Variants in RBFOX1 observed in about 807,000 individuals in gnomAD.
RBFOX1 encodes the protein RNA binding protein fox-1 homolog 1.
In RBFOX1, 8 loss-of-function variants were observed where a neutral mutation model predicts 57.7. The observed-to-expected ratio is 0.14, with a 90% confidence interval of 0.08 to 0.25. The LOEUF (loss-of-function observed/expected upper bound fraction) is 0.25. RBFOX1 is among the 10% of genes least tolerant of loss of function. RBFOX1 has a pLI of 1.00. For missense variants in RBFOX1, 611 were observed against 548.5 expected (o/e 1.11, Z -1.14); for synonymous variants, 326 against 222.4 (o/e 1.47, Z -4.15).
intron 3 of RBFOX1, among the ~76,000 whole-genome samples, chr16:5,804,317 A>G (rs1039085849): frequency 1.3e-5 from 2 of 152,224 alleles, no homozygotes; most frequent in African/African-American, 2.4e-5. Context: ...GAATGGATGG[A>G]TGGATGAACA....
intron 4 of RBFOX1, among the ~76,000 whole-genome samples, chr16:7,463,635 A>G (rs1355990486): frequency 6.6e-6 from 1 of 152,188 alleles, no homozygotes; most frequent in Non-Finnish European, 1.5e-5. Flanking sequence ...TAGGGGTGAG[A>G]GGACTTAAAC....
chr16:6,094,732 A>G (rs780566274), intron 1 of RBFOX1, among the ~76,000 whole-genome samples: 2 of 152,202 alleles, frequency 1.3e-5, no homozygotes, highest in Non-Finnish European at 1.5e-5. Context: ...TGACAGTATC[A>G]ACCTCATAGT....
rs373975575 is a variant in RBFOX1, at chr16:5,840,512, C to T, written c.319-26791C>T. On this transcript the variant is annotated intron_variant, in intron 3 of 19. Transcript: ENST00000641259. ...CTACACCTCTCCTGTGCCTTCAGAA[C>T]ACCAGGAACACAGCTCCCCCACTGC... Among the ~76,000 whole-genome samples, 7 of 152,270 alleles carry T rather than the reference C, an allele frequency of 4.6e-5. No homozygotes were observed. In the East Asian group the frequency reaches 7.7e-4, roughly 17 times the overall value.
Position 7,232,446 on chromosome 16 carries a change from A to G in RBFOX1, c.27+180348A>G, listed in dbSNP as rs186468726. On this transcript the variant is annotated intron_variant, in intron 4 of 15. Transcript: ENST00000550418. ...TTTATAGGGGACCAGGTTCCTGGCAACTATTAGGTGCTCAATAAATAGCCT... is the reference window on the plus strand; with the variant it reads ...TTTATAGGGGACCAGGTTCCTGGCAGCTATTAGGTGCTCAATAAATAGCCT... 3.5e-3 allele frequency among the ~76,000 whole-genome samples: 527 copies of G among 152,318 alleles called. 1 individual carries two copies. Among genetic ancestry groups the G allele is most frequent in the Admixed American group, 6.0e-3 (92 of 15,296 alleles).
At chr16:5,491,607 A>T (rs1819419060) in intron 2 of RBFOX1, among the ~76,000 whole-genome samples, 2 of 152,216 alleles carry the variant, frequency 1.3e-5, no homozygotes, top group Non-Finnish European at 2.9e-5. Flanking sequence ...GGTAATGCTG[A>T]TGAATCCTCA....
At chr16:5,922,215 C>T (rs1046076513) in intron 4 of RBFOX1, among the ~76,000 whole-genome samples, 18 of 152,156 alleles carry the variant, frequency 1.2e-4, no homozygotes, top group African/African-American at 4.1e-4. Flanking sequence ...AGAGCGAGAA[C>T]TCACTCATCA....
chr16:6,902,525 C>T (rs1350377053), intron 3 of RBFOX1, among the ~76,000 whole-genome samples: 1 of 152,108 alleles, frequency 6.6e-6, no homozygotes, highest in Non-Finnish European at 1.5e-5. Flanking sequence ...AGTTCAAGAC[C>T]AGCCTAACCA....
intron 3 of RBFOX1, among the ~76,000 whole-genome samples, chr16:5,707,418 G>T (rs34851363): frequency 4.2e-4 from 64 of 152,294 alleles, no homozygotes; most frequent in African/African-American, 1.4e-3. Context: ...AGGAATGGGG[G>T]ACATGAGTGC....
rs76380548 is a variant in RBFOX1 at position 6,922,728 on chromosome 16, C to T, written c.-15-129329C>T. 2.9e-3 allele frequency among the ~76,000 whole-genome samples: 439 copies of T among 152,212 alleles called. 4 individuals are homozygous for T. The highest frequency in any genetic ancestry group is 9.7e-3 in the African/African-American group (401 of 41,536). ...ACCACTCCAAAAACTGGAAAGCCTT[C>T]TGAGATTTTAAACATTTTCCAGTAA... On this transcript the variant is annotated intron_variant, in intron 3 of 15. Transcript: ENST00000550418.
At chr16:5,248,080 T>C (rs2062348460) in intron 1 of RBFOX1, among the ~76,000 whole-genome samples, 1 of 152,160 alleles carries the variant, frequency 6.6e-6, no homozygotes, top group Non-Finnish European at 1.5e-5. Context: ...GGGCTTGGGA[T>C]CTCACCTCGC....
At chr16:5,784,819 C>G (rs11860120) in intron 3 of RBFOX1, among the ~76,000 whole-genome samples, 4 of 151,804 alleles carry the variant, frequency 2.6e-5, no homozygotes, top group African/African-American at 9.7e-5. Flanking sequence ...CGCATAGACA[C>G]CATCTATGAA....
At chr16:5,500,221 C>T (rs1597316498) in intron 2 of RBFOX1, among the ~76,000 whole-genome samples, 1 of 147,760 alleles carries the variant, frequency 6.8e-6, no homozygotes, top group South Asian at 2.2e-4. Context: ...CATTCCGTTC[C>T]GTTCCGTTCC....
chr16:6,341,936 C>T (rs776716249), intron 2 of RBFOX1, among the ~76,000 whole-genome samples: 33 of 152,154 alleles, frequency 2.2e-4, no homozygotes, highest in East Asian at 3.9e-4. Flanking sequence ...TAATTTCTTG[C>T]GTAAGGTCAA....
At chr16:5,552,017 G>A (rs1420763099) in intron 2 of RBFOX1, among the ~76,000 whole-genome samples, 1 of 152,122 alleles carries the variant, frequency 6.6e-6, no homozygotes, top group Non-Finnish European at 1.5e-5. Flanking sequence ...CTGTGGATGA[G>A]TCATTCAACT....
chr16:7,099,124 T>C (rs936434056), intron 4 of RBFOX1, among the ~76,000 whole-genome samples: 8 of 152,130 alleles, frequency 5.3e-5, no homozygotes, highest in South Asian at 2.1e-4. Context: ...GAATCAGAGA[T>C]GGCAGATAGT....
At chr16:7,700,142 A>G (rs972432871) in intron 14 of RBFOX1, among the ~76,000 whole-genome samples, 7 of 152,126 alleles carry the variant, frequency 4.6e-5, no homozygotes, top group Non-Finnish European at 1.5e-5. Flanking sequence ...ACTTTGGATC[A>G]TCAATCCAAT....
At chr16:5,912,925 G>A (rs2058632879) in intron 4 of RBFOX1, among the ~76,000 whole-genome samples, 1 of 152,174 alleles carries the variant, frequency 6.6e-6, no homozygotes. Context: ...GAACAGAGGG[G>A]AGGCAGGACA....
chr16:7,053,270 C>T (rs762199630), intron 4 of RBFOX1, among the ~76,000 whole-genome samples: 2 of 152,122 alleles, frequency 1.3e-5, no homozygotes, highest in Non-Finnish European at 2.9e-5. Flanking sequence ...TTGTTTTATG[C>T]AGTATCTCAG....
intron 4 of RBFOX1, among the ~76,000 whole-genome samples, chr16:7,460,389 A>ATGTGTGTGTGTGTG (rs1235047786): frequency 1.1e-5 from 1 of 87,256 alleles, no homozygotes; most frequent in African/African-American, 6.5e-5. Context: ...ATATATATAT[A>ATGTGTGTGTGTGTG]TGTGTGTGTG....
Sources: allele counts gnomAD v4.1 joint callset (sites outside exome capture counted in the v4.1 genomes callset), GRCh38; gene constraint gnomAD v4.1.1; transcripts MANE v1.5; gene names NCBI Gene and HGNC (gene_info 2026-07-23, HGNC 2026-07-21).